The following RASA3 variants were observed in gnomAD, a reference collection of about 807,000 sequenced individuals.
The protein encoded by RASA3 is RAS p21 protein activator 3.
RASA3 carries 73 observed loss-of-function variants against 110.0 expected under a neutral mutation model. The ratio of observed to expected loss-of-function variants is 0.66; its 90% CI spans 0.55 to 0.81. The LOEUF is 0.81. RASA3 is among the 30% of genes least tolerant of loss of function. The pLI, the probability that RASA3 is intolerant of heterozygous loss-of-function variation, is 0.00. For missense variants in RASA3, 976 were observed against 1,113.2 expected, an observed-to-expected ratio of 0.88 and a Z score of 1.75; for synonymous variants, 500 against 451.4, an observed-to-expected ratio of 1.11 and a Z score of -1.37.
At chr13:113,981,945 C>T (rs749906869) in intron 22 of RASA3, 87 bp from the exon 23 acceptor site, 98 of 1,276,432 alleles carry the variant, frequency 7.7e-5, no homozygotes, top group Non-Finnish European at 9.8e-5. Flanking sequence ...AGGCCCCACC[C>T]ACAGTACACA....
intron 2 of RASA3, 35 bp downstream of exon 2, chr13:114,073,685 A>T: frequency 6.6e-7 from 1 of 1,522,092 alleles, no homozygotes; most frequent in Non-Finnish European, 9.1e-7. Flanking sequence ...CAAAGAAAAC[A>T]CATCAGTGCC....
In RASA3 at chr13:114,011,090, G is replaced by T. The variant is rs1222110148; in HGVS notation, c.1590+81C>A. The T allele has an allele frequency of 3.2e-6, 4 of 1,240,950 alleles. No individual in the cohort carries two copies. Among genetic ancestry groups the T allele is most frequent in the Non-Finnish European group, 3.5e-6 (3 of 856,744 alleles). 76.9% of individuals were successfully genotyped at this position (1,240,950 alleles called of 1,614,324 possible). A position where few individuals can be genotyped will look rare whatever the true frequency, so the allele number is the denominator to read the frequency against. ...TTATCTTACGACTCTCTCAAATGTG[G>T]GAGGTTTTTCACGTGTATTTTCTGA... On this transcript the variant is annotated intron_variant, in intron 16 of 23. Coordinates refer to ENST00000334062, the MANE Select transcript of RASA3 (RefSeq NM_007368.4). The surrounding 1 kb of genome is among the most constrained non-coding windows in gnomAD (Gnocchi z 4.8).
rs1035381723 is a variant in RASA3, at chr13:114,015,083, A to C, written c.1405+126T>G. 3 of 1,306,106 alleles carry C rather than the reference A, an allele frequency of 2.3e-6. No individual in the cohort carries two copies. In the African/African-American group the frequency reaches 4.5e-5, roughly 19 times the overall value. The allele number at this position is 1,306,106 out of a possible 1,614,324, so 80.9% of individuals were successfully genotyped here. A position where few individuals can be genotyped will look rare whatever the true frequency, so the allele number is the denominator to read the frequency against. On this transcript the variant is annotated intron_variant, in intron 14 of 23. Coordinates refer to ENST00000334062, the MANE Select transcript of RASA3 (RefSeq NM_007368.4). Reference sequence around the variant, plus strand: ...AAACCCCGGAAAAATCCAGCATCGGAACTGGGGTTCACGACCCCGCAGTTC... The same window carrying C: ...AAACCCCGGAAAAATCCAGCATCGGCACTGGGGTTCACGACCCCGCAGTTC...
At chr13:114,043,720 C>A (rs979961299) in intron 3 of RASA3, among the ~76,000 whole-genome samples, 1 of 152,058 alleles carries the variant, frequency 6.6e-6, no homozygotes, top group Non-Finnish European at 1.5e-5. Flanking sequence ...ACCAGGGAGG[C>A]TCAGAGAGAA....
chr13:114,056,094 G>A lies in RASA3; in HGVS notation c.174-3939C>T, dbSNP rs2079240561. ...CGTCACCGTTTCCCGAGAGCCCCCCGCCCCCGCACAGGCACTGAGGACCCC... is the reference window on the plus strand; with the variant it reads ...CGTCACCGTTTCCCGAGAGCCCCCCACCCCCGCACAGGCACTGAGGACCCC... On this transcript the variant is annotated intron_variant, in intron 2 of 23. Coordinates refer to ENST00000334062, the MANE Select transcript of RASA3 (RefSeq NM_007368.4). This position sits in a 1 kb window ranked among gnomAD's most constrained non-coding sequence, Gnocchi z 5.7. Among the ~76,000 whole-genome samples the A allele has an allele frequency of 2.0e-5, 3 of 152,190 alleles. No individual in the cohort carries two copies. The South Asian group carries it at 6.2e-4, about 32-fold the overall frequency.
intron 1 of RASA3, among the ~76,000 whole-genome samples, chr13:114,075,945 C>T (rs373510213): frequency 7.1e-4 from 75 of 106,382 alleles, no homozygotes; most frequent in African/African-American, 2.6e-3. Flanking sequence ...CCCGTGTCGG[C>T]GCCGCGTATC....
chr13:114,110,767 C>G (rs1011243478), intron 1 of RASA3, among the ~76,000 whole-genome samples: 4 of 152,224 alleles, frequency 2.6e-5, no homozygotes, highest in Non-Finnish European at 5.9e-5. Flanking sequence ...CAGCCCGGAC[C>G]GGAGCCTCAG....
At chr13:113,991,837 CAT>C (rs1232160717) in intron 22 of RASA3, among the ~76,000 whole-genome samples, 10 of 139,892 alleles carry the variant, frequency 7.1e-5, no homozygotes, top group Admixed American at 2.8e-4. Flanking sequence ...CACGTGCCCT[CAT>C]GTTTCCACAC....
intron 4 of RASA3, among the ~76,000 whole-genome samples, chr13:114,039,579 C>T (rs577024829): frequency 1.5e-3 from 236 of 152,370 alleles, no homozygotes; most frequent in African/African-American, 5.5e-3. Flanking sequence ...GGTTGGGCCA[C>T]GGTGCCTCTT....
At chr13:114,075,689 G>A (rs1208817040) in intron 1 of RASA3, among the ~76,000 whole-genome samples, 1 of 64,814 alleles carries the variant, frequency 1.5e-5, no homozygotes, top group Non-Finnish European at 2.6e-5. Flanking sequence ...GCGTATCTCT[G>A]CGTGTGGAGG....
Position 114,011,141 on chromosome 13 carries a change from A to C in RASA3, c.1590+30T>G, listed in dbSNP as rs1231076635. The C allele has an allele frequency of 6.4e-7, 1 of 1,567,148 alleles. No individual in the cohort carries two copies. The highest frequency in any genetic ancestry group is 2.2e-5 in the East Asian group (1 of 44,636). On this transcript the variant is annotated intron_variant, in intron 16 of 23. Coordinates refer to ENST00000334062, the MANE Select transcript of RASA3 (RefSeq NM_007368.4). The surrounding 1 kb of genome is among the most constrained non-coding windows in gnomAD (Gnocchi z 4.8). ...AGAGAGAAAAGAATCAGTTGTCCCT[A>C]AAAAGAGAAAATGAAGAAGAGGGAC... is the stretch of plus-strand genomic sequence containing the variant.
Position 114,013,233 on chromosome 13 carries a change from C to G in RASA3, c.1421G>C (p.Arg474Thr). 2.5e-6 allele frequency: 4 copies of G among 1,612,456 alleles called. No individual in the cohort carries two copies. Among genetic ancestry groups the G allele is most frequent in the Non-Finnish European group, 3.4e-6 (4 of 1,179,412 alleles). The change falls in exon 15 of 24, where the codon AGG (arginine) becomes ACG (threonine). Residue 474 changes from arginine (R) to threonine (T), a missense_variant. Physicochemically the swap from Arg to Thr is moderately conservative, Grantham distance 71. Transcript: ENST00000334062. The stretch of plus-strand genomic sequence containing the variant: ...GATGAAGCTGCTCACTGCAGTGTAC[C>G]TGACGTCCGGGTCATCTGCGGGAGA... ...AKRFQDDPDV[R>T]YTAVSSFIFL...
At position 114,011,188 on chromosome 13, in the gene RASA3, G is replaced by C; in HGVS notation, c.1573C>G (p.Leu525Val). The C allele has an allele frequency of 6.2e-7, 1 of 1,612,776 alleles. No individual in the cohort carries two copies. Among genetic ancestry groups the C allele is most frequent in the Middle Eastern group, 1.7e-4 (1 of 6,052 alleles). ...GGACTCACAGATTTGGACTTGGACA[G>C]GCTGCCGAGGGTCTGAACGGTCTTG... ...ISKTVQTLGS[L>V]SKSKSASFKE... The change falls in exon 16 of 24, where the codon CTG (leucine) becomes GTG (valine). Residue 525 changes from leucine to valine, a missense_variant. Physicochemically the swap from Leu to Val is conservative, Grantham distance 32. Transcript: ENST00000334062. The surrounding 1 kb of genome is among the most constrained non-coding windows in gnomAD (Gnocchi z 4.8).
chr13:114,123,021 C>T (rs1404330868), intron 1 of RASA3, among the ~76,000 whole-genome samples: 1 of 152,256 alleles, frequency 6.6e-6, no homozygotes, highest in African/African-American at 2.4e-5. Context: ...CACAAGACAA[C>T]CTTCCTGGGT....
chr13:114,118,194 C>G (rs1247122449), intron 1 of RASA3, among the ~76,000 whole-genome samples: 1 of 152,072 alleles, frequency 6.6e-6, no homozygotes, highest in African/African-American at 2.4e-5. Context: ...GAAGGCACAG[C>G]CAATATTTCC....
chr13:114,117,327 A>G (rs1336458975), intron 1 of RASA3, among the ~76,000 whole-genome samples: 14 of 32,436 alleles, frequency 4.3e-4, no homozygotes, highest in South Asian at 1.2e-3. Flanking sequence ...CGTGTGTGAC[A>G]GATGCATGTG....
At chr13:114,105,948 G>T (rs374015583) in intron 1 of RASA3, among the ~76,000 whole-genome samples, 2 of 152,208 alleles carry the variant, frequency 1.3e-5, no homozygotes, top group Non-Finnish European at 2.9e-5. Context: ...CACACAGAGC[G>T]TCTTGCACCC....
At chr13:114,044,487 CCGCCCCGCCT>C (rs1416207522) in intron 3 of RASA3, among the ~76,000 whole-genome samples, 1 of 234 alleles carries the variant, frequency 4.3e-3, no homozygotes. Context: ...GCTGAGCCCC[CCGCCCCGCCT>C]CACTCGCTGA....
At position 113,979,030 on chromosome 13, in the gene RASA3, G is replaced by T. The variant is rs889040014; in HGVS notation, c.*317C>A. 1.0e-5 allele frequency: 4 copies of T among 384,672 alleles called. No homozygotes were observed. Among genetic ancestry groups the T allele is most frequent in the Non-Finnish European group, 1.9e-5 (4 of 207,296 alleles). The allele number at this position is 384,672 out of a possible 1,614,324, so 23.8% of individuals were successfully genotyped here. On this transcript the variant is annotated 3_prime_UTR_variant, in exon 24 of 24. Coordinates refer to ENST00000334062, the MANE Select transcript of RASA3 (RefSeq NM_007368.4). ...GACTAGACGGGCCGTGGCTCCCTGA[G>T]GCTGGCTGTGGTGTGGCTAGGGCAC...
Sources: gnomAD v4.1 joint callset for allele counts (sites outside exome capture counted in the v4.1 genomes callset) on GRCh38, gnomAD v4.1.1 for gene constraint, Gnocchi (gnomAD v3.1) non-coding constraint, MANE v1.5 for transcripts, NCBI Gene and HGNC (gene_info 2026-07-23, HGNC 2026-07-21) for gene names.